The following MAGI3 variants were observed in gnomAD, a reference collection of about 807,000 sequenced individuals.
MAGI3 encodes the protein membrane-associated guanylate kinase, WW and PDZ domain-containing protein 3.
In MAGI3, 43 loss-of-function variants were observed where a neutral mutation model predicts 121.8. That is an observed-to-expected ratio of 0.35 (90% confidence interval 0.28 to 0.46). MAGI3 has a LOEUF of 0.46. MAGI3 is among the 20% of genes least tolerant of loss of function. The probability of loss-of-function intolerance (pLI) is 1.00; values close to 1 mark genes in which losing one functional copy is unlikely to be tolerated. For synonymous variants in MAGI3, 553 were observed against 639.3 expected, an observed-to-expected ratio of 0.86 and a Z score of 2.04; for missense variants, 1,547 against 1,797.3, an observed-to-expected ratio of 0.86 and a Z score of 2.52.
intron 17 of MAGI3, 71 bp downstream of exon 17, chr1:113,671,907 C>A: frequency 7.5e-7 from 1 of 1,332,080 alleles, no homozygotes; most frequent in Non-Finnish European, 1.1e-6. Context: ...TGTTCATAAC[C>A]CCACTCCCCA....
At chr1:113,427,670 G>GT (rs1383866887) in intron 1 of MAGI3, among the ~76,000 whole-genome samples, 1 of 152,148 alleles carries the variant, frequency 6.6e-6, no homozygotes, top group Non-Finnish European at 1.5e-5. Flanking sequence ...GTCTCTTGCA[G>GT]TATTTCTTGG....
chr1:113,674,959 A>G (rs1005082635), intron 19 of MAGI3, among the ~76,000 whole-genome samples: 1 of 152,234 alleles, frequency 6.6e-6, no homozygotes, highest in African/African-American at 2.4e-5. Context: ...TAAATGAGCA[A>G]TGGCGTAAAA....
At chr1:113,657,564 G>T (rs561640555) in intron 15 of MAGI3, among the ~76,000 whole-genome samples, 1 of 152,326 alleles carries the variant, frequency 6.6e-6, no homozygotes, top group South Asian at 2.1e-4. Flanking sequence ...GGAACTGAAT[G>T]ATTTTCTTCT....
intron 1 of MAGI3, among the ~76,000 whole-genome samples, chr1:113,424,315 T>C (rs1444107791): frequency 6.6e-6 from 1 of 151,808 alleles, no homozygotes; most frequent in Non-Finnish European, 1.5e-5. Flanking sequence ...TTTTGTAGGT[T>C]TGTGTATCTA....
At chr1:113,586,457 A>G (rs1188237029) in intron 4 of MAGI3, among the ~76,000 whole-genome samples, 1 of 152,176 alleles carries the variant, frequency 6.6e-6, no homozygotes, top group Non-Finnish European at 1.5e-5. Flanking sequence ...ATATTTATTG[A>G]GTTAATACAT....
At chr1:113,439,948 C>T (rs1333488901) in intron 1 of MAGI3, among the ~76,000 whole-genome samples, 1 of 152,134 alleles carries the variant, frequency 6.6e-6, no homozygotes. Flanking sequence ...TGTTTCTTTA[C>T]TACTAGTGTA....
chr1:113,603,492 T>A (rs1460614960), intron 6 of MAGI3, among the ~76,000 whole-genome samples: 1 of 152,134 alleles, frequency 6.6e-6, no homozygotes, highest in Admixed American at 6.6e-5. Flanking sequence ...GAATCTTCTC[T>A]AACTCTTTCT....
intron 2 of MAGI3, among the ~76,000 whole-genome samples, chr1:113,555,577 A>G (rs887233499): frequency 2.0e-5 from 3 of 152,184 alleles, no homozygotes; most frequent in African/African-American, 4.8e-5. Context: ...CCACAAAACA[A>G]GAACTGATAG....
rs770760852 is a variant in MAGI3 at position 113,391,565 on chromosome 1, T to C, written c.316+216T>C. 1.1e-3 allele frequency among the ~76,000 whole-genome samples: 168 copies of C among 152,286 alleles called. 2 individuals are homozygous for C. The highest frequency in any genetic ancestry group is 6.2e-4 in the Non-Finnish European group (42 of 68,022). On this transcript the variant is annotated intron_variant, in intron 1 of 20. Transcript: ENST00000307546. The surrounding 1 kb of genome is among the most constrained non-coding windows in gnomAD (Gnocchi z 4.4). ...CTCTGGCTTGGCGCGGTTGCTCTGCTAGCTGTGCTAGCTGTCACAGAATTG... is the reference window on the plus strand; with the variant it reads ...CTCTGGCTTGGCGCGGTTGCTCTGCCAGCTGTGCTAGCTGTCACAGAATTG...
chr1:113,634,733 T>C (rs1208773364), intron 9 of MAGI3, among the ~76,000 whole-genome samples: 1 of 152,192 alleles, frequency 6.6e-6, no homozygotes, highest in Non-Finnish European at 1.5e-5. Context: ...TTTGGTTCCA[T>C]ATGAACTTTA....
At chr1:113,643,852 C>T in intron 11 of MAGI3, 78 bp downstream of exon 11, 1 of 1,371,690 alleles carries the variant, frequency 7.3e-7, no homozygotes, top group South Asian at 1.2e-5. Context: ...AAGAGGAGCT[C>T]ACTGTGGTGA....
At chr1:113,520,225 A>G (rs541354933) in intron 1 of MAGI3, among the ~76,000 whole-genome samples, 1 of 152,264 alleles carries the variant, frequency 6.6e-6, no homozygotes, top group East Asian at 1.9e-4. Flanking sequence ...AATGATCACA[A>G]TAGGAATGAA....
chr1:113,573,035 C>T (rs1048385943), intron 2 of MAGI3, among the ~76,000 whole-genome samples: 1 of 152,072 alleles, frequency 6.6e-6, no homozygotes, highest in Non-Finnish European at 1.5e-5. Flanking sequence ...ACACCATTCT[C>T]CTGCCTCAGC....
At chr1:113,585,814 A>G (rs1648332779) in intron 4 of MAGI3, among the ~76,000 whole-genome samples, 1 of 152,182 alleles carries the variant, frequency 6.6e-6, no homozygotes, top group African/African-American at 2.4e-5. Flanking sequence ...ATGATAAACT[A>G]TCATTAGTAA....
At position 113,584,966 on chromosome 1, in the gene MAGI3, C is replaced by CAATTTTTTTTTTTTTTTTTTTT. The variant is rs61622151; in HGVS notation, c.554-421_554-420insAATTTTTTTTTTTTTTTTTTTT. On this transcript the variant is annotated intron_variant, in intron 3 of 20. Transcript: ENST00000307546. ...TCCTTTTGGCCAATGGTAGATATTT[C>CAATTTTTTTTTTTTTTTTTTTT]CTTTTTTTTTTTTTTTTTTTTTTGA... Among the ~76,000 whole-genome samples the CAATTTTTTTTTTTTTTTTTTTT allele has an allele frequency of 1.7e-4, 19 of 110,728 alleles. 9 individuals carry two copies. Among genetic ancestry groups the CAATTTTTTTTTTTTTTTTTTTT allele is most frequent in the African/African-American group, 7.3e-5 (2 of 27,324 alleles). The allele number at this position is 110,728 out of a possible 152,430, so 72.6% of individuals were successfully genotyped here.
Position 113,685,654 on chromosome 1 carries a change from T to C in MAGI3, c.*1640T>C, listed in dbSNP as rs566880038. The stretch of plus-strand genomic sequence containing the variant: ...AAATTATTTATTATTTTCCCTGTAG[T>C]CCACAATTAGTGATAACGAATCCTA... On this transcript the variant is annotated 3_prime_UTR_variant, in exon 21 of 21. Transcript: ENST00000307546. The C allele has an allele frequency of 6.6e-6, 1 of 152,468 alleles. No individual in the cohort carries two copies. The highest frequency in any genetic ancestry group is 2.4e-5 in the African/African-American group (1 of 41,584). The allele number at this position is 152,468 out of a possible 1,614,324, so 9.4% of individuals were successfully genotyped here.
At chr1:113,516,018 G>A (rs191384074) in intron 1 of MAGI3, among the ~76,000 whole-genome samples, 28 of 152,080 alleles carry the variant, frequency 1.8e-4, no homozygotes, top group African/African-American at 6.7e-4. Flanking sequence ...CTCACTAGAT[G>A]CGTATACCAC....
chr1:113,530,771 T>C (rs1190021400), intron 1 of MAGI3, among the ~76,000 whole-genome samples: 2 of 151,550 alleles, frequency 1.3e-5, no homozygotes, highest in Non-Finnish European at 2.9e-5. Flanking sequence ...AATACAAAAA[T>C]AAGCCCTGGT....
chr1:113,517,755 C>A (rs1322861502), intron 1 of MAGI3, among the ~76,000 whole-genome samples: 2 of 152,070 alleles, frequency 1.3e-5, no homozygotes, highest in South Asian at 4.1e-4. Context: ...TCTATCTATA[C>A]TTTTATGTCC....
Sources: allele counts gnomAD v4.1 joint callset (sites outside exome capture counted in the v4.1 genomes callset), GRCh38; gene constraint gnomAD v4.1.1; non-coding constraint Gnocchi (gnomAD v3.1); transcripts MANE v1.5; gene names NCBI Gene and HGNC (gene_info 2026-07-23, HGNC 2026-07-21).